The following TNR variants were observed in gnomAD, a reference collection of about 807,000 sequenced individuals.
The protein encoded by TNR is tenascin-R.
A neutral mutation model predicts 150.4 loss-of-function variants in TNR; 45 were observed. The ratio of observed to expected loss-of-function variants is 0.30; its 90% CI spans 0.24 to 0.38. TNR has a LOEUF of 0.38. TNR is among the 10% of genes least tolerant of loss of function. The pLI is 1.00. For synonymous variants in TNR, 687 were observed against 678.4 expected (o/e 1.01, Z -0.20); for missense variants, 1,544 against 1,759.1 (o/e 0.88, Z 2.19).
chr1:175,705,445 T>C lies in TNR; in HGVS notation c.-165+37781A>G, dbSNP rs141241255. 5.1e-3 allele frequency among the ~76,000 whole-genome samples: 782 copies of C among 152,296 alleles called. 21 individuals carry two copies. Among genetic ancestry groups the C allele is most frequent in the Admixed American group, 0.045 (682 of 15,298 alleles). On this transcript the variant is annotated intron_variant, in intron 1 of 22. Coordinates refer to ENST00000367674, the MANE Select transcript of TNR (RefSeq NM_003285.3). ...AATTAAATGTAAGTGTTCTCTACATTGAAGATTGATCTAAATTCTAGAAAG... is the reference window on the plus strand; with the variant it reads ...AATTAAATGTAAGTGTTCTCTACATCGAAGATTGATCTAAATTCTAGAAAG...
intron 1 of TNR, among the ~76,000 whole-genome samples, chr1:175,719,141 C>T (rs959298071): frequency 1.3e-5 from 2 of 152,182 alleles, no homozygotes; most frequent in Non-Finnish European, 2.9e-5. Flanking sequence ...TGGCTCCCTC[C>T]CTACAGAAGC....
chr1:175,471,017 C>T (rs863518), intron 2 of TNR, among the ~76,000 whole-genome samples: 2,305 of 152,210 alleles, frequency 0.015, 56 homozygotes, highest in African/African-American at 0.052. Context: ...TTCTGCAGGG[C>T]GGAATGAAGA....
At chr1:175,692,617 G>C (rs972348004) in intron 1 of TNR, among the ~76,000 whole-genome samples, 1 of 152,136 alleles carries the variant, frequency 6.6e-6, no homozygotes, top group African/African-American at 2.4e-5. Flanking sequence ...TCTCACTGAG[G>C]GCTAAGCAGG....
At chr1:175,686,354 T>C (rs1274329330) in intron 1 of TNR, among the ~76,000 whole-genome samples, 1 of 152,206 alleles carries the variant, frequency 6.6e-6, no homozygotes, top group African/African-American at 2.4e-5. Flanking sequence ...AACAGAGTCA[T>C]TAGATGTGTC....
At chr1:175,728,645 T>G (rs1479961237) in intron 1 of TNR, among the ~76,000 whole-genome samples, 1 of 152,222 alleles carries the variant, frequency 6.6e-6, no homozygotes, top group Non-Finnish European at 1.5e-5. Context: ...TCATTATCAA[T>G]CATTTATACA....
intron 1 of TNR, among the ~76,000 whole-genome samples, chr1:175,735,253 C>A (rs1312454642): frequency 6.6e-6 from 1 of 152,182 alleles, no homozygotes; most frequent in East Asian, 1.9e-4. Flanking sequence ...GCTGCCCTCT[C>A]CTCTGTCTGC....
rs1488779990 is a variant in TNR, at chr1:175,575,965, G to A, written c.-164-47596C>T. 2.6e-5 allele frequency among the ~76,000 whole-genome samples: 4 copies of A among 152,350 alleles called. No individual in the cohort carries two copies. In the East Asian group the frequency reaches 7.7e-4, roughly 29 times the overall value. Reference sequence around the variant, plus strand: ...TGGATGGCCCAGGCCTGCTCTGCTAGGGGCTGCGATTCGAGACATCCTCAT... The same window carrying A: ...TGGATGGCCCAGGCCTGCTCTGCTAAGGGCTGCGATTCGAGACATCCTCAT... On this transcript the variant is annotated intron_variant, in intron 1 of 22. Coordinates refer to ENST00000367674, the MANE Select transcript of TNR (RefSeq NM_003285.3).
chr1:175,574,211 G>T lies in TNR; in HGVS notation c.-164-45842C>A, dbSNP rs975775096. Among the ~76,000 whole-genome samples the T allele has an allele frequency of 3.9e-5, 6 of 152,298 alleles. No individual in the cohort carries two copies. The South Asian group carries it at 8.3e-4, about 21-fold the overall frequency. ...TCAGGCCATTACCATGGCCTTAAAT[G>T]ATGACCAATCTCCAGCCAGACCCAA... On this transcript the variant is annotated intron_variant, in intron 1 of 22. Transcript: ENST00000367674.
chr1:175,443,267 C>T (rs983692836), intron 2 of TNR, among the ~76,000 whole-genome samples: 7 of 152,068 alleles, frequency 4.6e-5, no homozygotes, highest in Non-Finnish European at 1.0e-4. Context: ...CACTTTATTG[C>T]CATCTTATTT....
At chr1:175,535,449 TGTTG>T (rs1474570186) in intron 1 of TNR, among the ~76,000 whole-genome samples, 5 of 20,700 alleles carry the variant, frequency 2.4e-4, no homozygotes, top group African/African-American at 4.1e-4. Flanking sequence ...ATTTATTTTT[TGTTG>T]TTGTTGTTGT....
intron 1 of TNR, among the ~76,000 whole-genome samples, chr1:175,563,235 A>C (rs1558008111): frequency 6.6e-6 from 1 of 152,228 alleles, no homozygotes. Context: ...CACACCAGGA[A>C]CAGAAAAAGG....
chr1:175,474,938 T>C (rs1657479803), intron 2 of TNR, among the ~76,000 whole-genome samples: 1 of 152,200 alleles, frequency 6.6e-6, no homozygotes, highest in Non-Finnish European at 1.5e-5. Context: ...GTTGTGAAGA[T>C]TAAATTGGTG....
chr1:175,435,375 G>C (rs765614029), intron 2 of TNR, among the ~76,000 whole-genome samples: 3 of 152,168 alleles, frequency 2.0e-5, no homozygotes, highest in Non-Finnish European at 4.4e-5. Flanking sequence ...CAGATATTTT[G>C]GTCTGTGGAA....
intron 1 of TNR, among the ~76,000 whole-genome samples, chr1:175,604,084 G>A (rs1168117051): frequency 1.3e-5 from 2 of 152,142 alleles, no homozygotes; most frequent in Non-Finnish European, 2.9e-5. Context: ...AACTGAAGGA[G>A]TGAGGGGGTG....
intron 1 of TNR, among the ~76,000 whole-genome samples, chr1:175,659,801 G>A (rs1665305650): frequency 6.6e-6 from 1 of 152,032 alleles, no homozygotes; most frequent in East Asian, 1.9e-4. Context: ...GCAGGATCAG[G>A]CCACTGGGAT....
intron 2 of TNR, among the ~76,000 whole-genome samples, chr1:175,475,553 G>T (rs1296473917): frequency 6.6e-6 from 1 of 152,226 alleles, no homozygotes; most frequent in Non-Finnish European, 1.5e-5. Flanking sequence ...CTACACAAAT[G>T]CAAAATTCTT....
chr1:175,729,681 C>A (rs940717562), intron 1 of TNR, among the ~76,000 whole-genome samples: 9 of 152,070 alleles, frequency 5.9e-5, no homozygotes, highest in Non-Finnish European at 1.3e-4. Flanking sequence ...CCTTTAATCT[C>A]TATATTACCA....
chr1:175,674,318 T>G (rs1665797440), intron 1 of TNR, among the ~76,000 whole-genome samples: 1 of 152,194 alleles, frequency 6.6e-6, no homozygotes, highest in Non-Finnish European at 1.5e-5. Flanking sequence ...GCAATTCTGT[T>G]TAAAATGGAA....
intron 9 of TNR, among the ~76,000 whole-genome samples, chr1:175,375,677 A>T (rs1415384637): frequency 6.6e-6 from 1 of 152,152 alleles, no homozygotes. Context: ...TTCTGCAGGG[A>T]ATGGCAAATA....
Sources: allele counts gnomAD v4.1 joint callset (sites outside exome capture counted in the v4.1 genomes callset), GRCh38; gene constraint gnomAD v4.1.1; transcripts MANE v1.5; gene names NCBI Gene and HGNC (gene_info 2026-07-23, HGNC 2026-07-21).